Variants in CDIN1 observed in about 807,000 individuals in gnomAD.
CDIN1 encodes the protein CDAN1-interacting nuclease 1.
A neutral mutation model predicts 45.3 loss-of-function variants in CDIN1; 33 were observed. The observed-to-expected ratio is 0.73, with a 90% CI of 0.55 to 0.97. The LOEUF is 0.97. CDIN1 is among the 50% of genes least tolerant of loss of function. CDIN1 has a pLI of 0.00. For synonymous variants in CDIN1, 118 were observed against 124.4 expected (o/e 0.95, Z 0.34); for missense variants, 303 against 339.4 (o/e 0.89, Z 0.84).
chr15:36,794,821 A>G (rs1417511366), intron 10 of CDIN1, among the ~76,000 whole-genome samples: 3 of 152,244 alleles, frequency 2.0e-5, no homozygotes, highest in Admixed American at 1.3e-4. Context: ...TCAGCATATC[A>G]AAAAGATATC....
At chr15:36,688,700 C>T (rs2042141796) in intron 5 of CDIN1, among the ~76,000 whole-genome samples, 1 of 152,198 alleles carries the variant, frequency 6.6e-6, no homozygotes, top group African/African-American at 2.4e-5. Context: ...CACAGGCTTT[C>T]TTGAGGCCTC....
At chr15:36,619,087 A>G in intron 1 of CDIN1, 2 of 1,129,924 alleles carry the variant, frequency 1.8e-6, no homozygotes, top group Non-Finnish European at 1.3e-6. Context: ...TGAGAAACCA[A>G]ATGAGAAGCC....
intron 8 of CDIN1, among the ~76,000 whole-genome samples, chr15:36,703,219 A>AATATATATATATATATAT (rs71126233): frequency 0.015 from 853 of 57,188 alleles, 134 homozygotes; most frequent in African/African-American, 0.063. Flanking sequence ...CCCTGTCTCA[A>AATATATATATATATATAT]ATATATATAT....
chr15:36,633,242 C>A (rs2039754271), intron 1 of CDIN1, among the ~76,000 whole-genome samples: 1 of 152,082 alleles, frequency 6.6e-6, no homozygotes, highest in Admixed American at 6.6e-5. Flanking sequence ...ATGACATATT[C>A]CAATACTGTT....
chr15:36,727,784 G>A (rs10518900), intron 10 of CDIN1, among the ~76,000 whole-genome samples: 77,064 of 151,898 alleles, frequency 0.51, 19,893 homozygotes, highest in East Asian at 0.66. Context: ...GACATATCCA[G>A]CTCTTAACTC....
Position 36,633,297 on chromosome 15 carries a change from T to G in CDIN1, c.102-10981T>G, listed in dbSNP as rs1375719481. Reference sequence around the variant, plus strand: ...TGATTTTTAGTTTTTTGATGAACTGTTGTAGGTATGATTGAATGTACTTCT... The same window carrying G: ...TGATTTTTAGTTTTTTGATGAACTGGTGTAGGTATGATTGAATGTACTTCT... On this transcript the variant is annotated intron_variant, in intron 1 of 10. Transcript: ENST00000566621. Among the ~76,000 whole-genome samples the G allele has an allele frequency of 1.6e-4, 25 of 152,166 alleles. 1 individual carries two copies. Among genetic ancestry groups the G allele is most frequent in the Admixed American group, 1.6e-3 (25 of 15,282 alleles).
At chr15:36,681,243 G>GAA (rs1410186838) in intron 5 of CDIN1, among the ~76,000 whole-genome samples, 1 of 152,078 alleles carries the variant, frequency 6.6e-6, no homozygotes, top group Admixed American at 6.6e-5. Flanking sequence ...ATGTAGAAAT[G>GAA]AAATAACAGT....
intron 7 of CDIN1, among the ~76,000 whole-genome samples, chr15:36,695,707 C>T (rs1042226469): frequency 6.6e-6 from 1 of 151,904 alleles, no homozygotes; most frequent in African/African-American, 2.4e-5. Flanking sequence ...ATTAGCTGGG[C>T]GTGGTCACAG....
intron 1 of CDIN1, 30 bp downstream of exon 1, chr15:36,579,991 C>G (rs1284155831): frequency 3.1e-6 from 5 of 1,591,096 alleles, no homozygotes; most frequent in Non-Finnish European, 3.4e-6. Context: ...CTCTCACAGC[C>G]CTTTGCCTGC....
intron 10 of CDIN1, among the ~76,000 whole-genome samples, chr15:36,743,942 A>C (rs1227988444): frequency 3.3e-5 from 5 of 151,494 alleles, no homozygotes; most frequent in Admixed American, 2.6e-4. Flanking sequence ...CCATTGACTT[A>C]AACATTTTAT....
intron 1 of CDIN1, among the ~76,000 whole-genome samples, chr15:36,593,371 A>G (rs575039020): frequency 6.6e-6 from 1 of 152,282 alleles, no homozygotes; most frequent in East Asian, 1.9e-4. Context: ...TTGAGTGAGT[A>G]CCAGGTTTAG....
intron 10 of CDIN1, among the ~76,000 whole-genome samples, chr15:36,720,681 T>G (rs1337650679): frequency 6.6e-6 from 1 of 152,218 alleles, no homozygotes; most frequent in East Asian, 1.9e-4. Flanking sequence ...CTATCACTGA[T>G]GGACATTTGG....
rs1471453334 is a variant in CDIN1 at position 36,618,472 on chromosome 15, C to T, written c.102-25806C>T. 9.7e-6 allele frequency: 11 copies of T among 1,135,292 alleles called. No individual in the cohort carries two copies. The East Asian group carries it at 2.1e-4, about 22-fold the overall frequency. 70.3% of individuals were successfully genotyped at this position (1,135,292 alleles called of 1,614,324 possible). A position where few individuals can be genotyped will look rare whatever the true frequency, so the allele number is the denominator to read the frequency against. ...CGACAAGATGTCAATCTCAAGACCT[C>T]ATCCTTCAACAGCTGAATCAAAGCC... is the stretch of plus-strand genomic sequence containing the variant. On this transcript the variant is annotated intron_variant, in intron 1 of 10. Transcript: ENST00000566621.
chr15:36,802,373 C>T (rs1428145620), intron 10 of CDIN1, among the ~76,000 whole-genome samples: 2 of 152,092 alleles, frequency 1.3e-5, no homozygotes, highest in African/African-American at 4.8e-5. Flanking sequence ...AATGATTGGT[C>T]AAGGGCTCCC....
chr15:36,666,209 C>CT (rs1041376827), intron 5 of CDIN1, among the ~76,000 whole-genome samples: 37 of 151,818 alleles, frequency 2.4e-4, no homozygotes, highest in African/African-American at 6.3e-4. Flanking sequence ...GACACAAAGC[C>CT]TTTTTTTTCT....
At position 36,579,712 on chromosome 15, in the gene CDIN1, G is replaced by A; in HGVS notation, c.-149G>A. On this transcript the variant is annotated 5_prime_UTR_variant, in exon 1 of 11. It adds an upstream start codon to the 5' untranslated region. Coordinates refer to ENST00000566621, the MANE Select transcript of CDIN1 (RefSeq NM_001321759.2). ...CTCCGCCCCGCTTTTGCAGCTAGGGGTGTGTTTCAGGGGGGATTGGGGCAA... is the reference window on the plus strand; with the variant it reads ...CTCCGCCCCGCTTTTGCAGCTAGGGATGTGTTTCAGGGGGGATTGGGGCAA... 1 of 607,390 alleles carries A rather than the reference G, an allele frequency of 1.6e-6. No homozygotes were observed. The highest frequency in any genetic ancestry group is 2.9e-6 in the Non-Finnish European group (1 of 349,462). 37.6% of individuals were successfully genotyped at this position (607,390 alleles called of 1,614,324 possible).
chr15:36,774,166 G>GCGCGCA (rs750035181), intron 10 of CDIN1, among the ~76,000 whole-genome samples: 1,496 of 149,480 alleles, frequency 0.01, 16 homozygotes, highest in Non-Finnish European at 0.015. Flanking sequence ...GTGTGTGTGC[G>GCGCGCA]CGCGCGCGCA....
chr15:36,804,821 C>T (rs2055175273), intron 10 of CDIN1, among the ~76,000 whole-genome samples: 1 of 151,252 alleles, frequency 6.6e-6, no homozygotes, highest in Non-Finnish European at 1.5e-5. Context: ...TACAGGCGAG[C>T]ACCACCACGC....
At chr15:36,774,100 C>T (rs935450011) in intron 10 of CDIN1, among the ~76,000 whole-genome samples, 1 of 151,898 alleles carries the variant, frequency 6.6e-6, no homozygotes, top group Non-Finnish European at 1.5e-5. Context: ...CCTTCCCACA[C>T]CCCCAGGCAC....
Sources: gnomAD v4.1 joint callset for allele counts (sites outside exome capture counted in the v4.1 genomes callset) on GRCh38, gnomAD v4.1.1 for gene constraint, MANE v1.5 for transcripts, NCBI Gene and HGNC (gene_info 2026-07-23, HGNC 2026-07-21) for gene names.